Variants in IRF2 observed in about 807,000 individuals in gnomAD.
IRF2 encodes interferon regulatory factor 2.
A neutral mutation model predicts 40.6 loss-of-function variants in IRF2; 15 were observed. That is an observed-to-expected ratio of 0.37 (90% CI 0.25 to 0.57). The LOEUF (loss-of-function observed/expected upper bound fraction) is 0.57, where lower values mean the gene tolerates loss of function less well. Ranked by LOEUF, IRF2 falls within the 20% of genes least tolerant of loss-of-function variation. The pLI is 0.77. For missense variants in IRF2, 317 were observed against 455.7 expected, an observed-to-expected ratio of 0.70 and a Z score of 2.77; for synonymous variants, 151 against 165.5, an observed-to-expected ratio of 0.91 and a Z score of 0.67.
chr4:184,405,722 T>C (rs567688907), intron 6 of IRF2, among the ~76,000 whole-genome samples: 12 of 152,130 alleles, frequency 7.9e-5, no homozygotes, highest in African/African-American at 2.9e-4. Context: ...ACTTGAGAAG[T>C]ACGGTGAGGG....
intron 5 of IRF2, among the ~76,000 whole-genome samples, chr4:184,416,964 T>C (rs1157444598): frequency 1.3e-5 from 2 of 152,140 alleles, no homozygotes; most frequent in African/African-American, 2.4e-5. Context: ...GAGAATCGCT[T>C]GAACCCAGGA....
At chr4:184,409,109 T>C (rs536170214) in intron 5 of IRF2, among the ~76,000 whole-genome samples, 1 of 152,206 alleles carries the variant, frequency 6.6e-6, no homozygotes, top group Admixed American at 6.5e-5. Flanking sequence ...CATCTGCTGC[T>C]ACGATAGCAA....
At chr4:184,417,953 A>C (rs2149899828) in intron 5 of IRF2, among the ~76,000 whole-genome samples, 1 of 152,332 alleles carries the variant, frequency 6.6e-6, no homozygotes, top group South Asian at 2.1e-4. Context: ...CTTCATTCAT[A>C]AATTTCCCAG....
intron 6 of IRF2, among the ~76,000 whole-genome samples, chr4:184,399,862 T>C (rs1252487932): frequency 1.3e-5 from 2 of 152,230 alleles, no homozygotes; most frequent in Non-Finnish European, 2.9e-5. Flanking sequence ...ATTTTTCTTA[T>C]ATTGTTTATT....
rs200223475 is a variant in IRF2, at chr4:184,391,570, TG to T, written c.695-822del. Among the ~76,000 whole-genome samples the T allele has an allele frequency of 8.7e-4, 133 of 152,296 alleles. 2 individuals carry two copies. The East Asian group carries it at 0.022, about 25-fold the overall frequency. ...CAACAACCTGCAAGAAACTTAATTTTGCCAAAACCACATGAGCTTGGAAATG... is the reference window on the plus strand; with the variant it reads ...CAACAACCTGCAAGAAACTTAATTTTCCAAAACCACATGAGCTTGGAAATG... On this transcript the variant is annotated intron_variant, in intron 7 of 8. Coordinates refer to ENST00000393593, the MANE Select transcript of IRF2 (RefSeq NM_002199.4).
chr4:184,453,331 C>T lies in IRF2; in HGVS notation c.-7+21048G>A, dbSNP rs3822122. ...CCCTTAGGTGTGTTTGGCCCTGGGT[C>T]GCAGCATCTAGATGGCATCAGCCTC... On this transcript the variant is annotated intron_variant, in intron 1 of 8. Coordinates refer to ENST00000393593, the MANE Select transcript of IRF2 (RefSeq NM_002199.4). Among the ~76,000 whole-genome samples the T allele has an allele frequency of 4.8e-3, 738 of 152,232 alleles. 24 individuals carry two copies. Among genetic ancestry groups the T allele is most frequent in the East Asian group, 0.035 (179 of 5,182 alleles).
chr4:184,438,948 C>T (rs374582425), intron 1 of IRF2, among the ~76,000 whole-genome samples: 108 of 152,278 alleles, frequency 7.1e-4, no homozygotes, highest in African/African-American at 1.1e-3. Flanking sequence ...GGGACCCTGA[C>T]GGCTGAAGTC....
intron 1 of IRF2, among the ~76,000 whole-genome samples, chr4:184,447,465 AGC>A (rs1738553325): frequency 6.6e-6 from 1 of 152,270 alleles, no homozygotes; most frequent in Non-Finnish European, 1.5e-5. Context: ...AGTAGTACTC[AGC>A]CAAGAAATAC....
intron 4 of IRF2, 47 bp downstream of exon 4, chr4:184,418,485 G>A (rs751693518): frequency 2.6e-5 from 41 of 1,549,398 alleles, no homozygotes; most frequent in Admixed American, 8.4e-5. Flanking sequence ...ACGAAGGCAC[G>A]ATGACACAAA....
chr4:184,431,114 G>A (rs781720255), intron 1 of IRF2, among the ~76,000 whole-genome samples: 5 of 152,196 alleles, frequency 3.3e-5, no homozygotes, highest in African/African-American at 7.2e-5. Context: ...GTGGGGTGCC[G>A]TCAGAGGTTG....
chr4:184,447,541 A>C (rs1738558220), intron 1 of IRF2, among the ~76,000 whole-genome samples: 1 of 152,222 alleles, frequency 6.6e-6, no homozygotes, highest in Non-Finnish European at 1.5e-5. Flanking sequence ...AGCCTCAAAA[A>C]TACCTCCCAC....
chr4:184,439,980 A>G (rs1252074154), intron 1 of IRF2, among the ~76,000 whole-genome samples: 1 of 152,214 alleles, frequency 6.6e-6, no homozygotes, highest in African/African-American at 2.4e-5. Flanking sequence ...TTAAAAATAC[A>G]TGCAGTGTGT....
chr4:184,418,476 C>T (rs775072823), intron 4 of IRF2, 56 bp downstream of exon 4: 21 of 1,501,394 alleles, frequency 1.4e-5, no homozygotes, highest in South Asian at 5.6e-5. Context: ...GAAGAGATCA[C>T]GAAGGCACGA....
intron 6 of IRF2, chr4:184,407,084 G>A (rs1211601057): frequency 1.5e-6 from 1 of 656,872 alleles, no homozygotes; most frequent in Non-Finnish European, 2.4e-6. Context: ...CAGGGTTATA[G>A]AGCACTGCCG....
At chr4:184,449,269 G>C (rs1738628102) in intron 1 of IRF2, among the ~76,000 whole-genome samples, 1 of 152,126 alleles carries the variant, frequency 6.6e-6, no homozygotes, top group African/African-American at 2.4e-5. Context: ...TCCGTCCCAA[G>C]TCTCTGCGTC....
intron 3 of IRF2, 114 bp from the exon 4 acceptor site, chr4:184,418,822 A>G (rs1737373958): frequency 1.2e-6 from 1 of 802,864 alleles, no homozygotes; most frequent in Non-Finnish European, 2.0e-6. Flanking sequence ...TTTTCACTCC[A>G]TGCTATACCT....
intron 2 of IRF2, among the ~76,000 whole-genome samples, chr4:184,424,568 T>C (rs933012973): frequency 2.6e-5 from 4 of 152,170 alleles, no homozygotes; most frequent in African/African-American, 9.7e-5. Context: ...GCATGCTCTT[T>C]CCCCGCACCG....
intron 6 of IRF2, among the ~76,000 whole-genome samples, chr4:184,400,700 T>C (rs1215020343): frequency 6.6e-6 from 1 of 152,182 alleles, no homozygotes; most frequent in African/African-American, 2.4e-5. Flanking sequence ...AGTGATCAAA[T>C]TTCTCCACAG....
intron 6 of IRF2, among the ~76,000 whole-genome samples, chr4:184,403,005 G>A (rs1172378718): frequency 2.0e-5 from 3 of 152,154 alleles, no homozygotes; most frequent in Non-Finnish European, 4.4e-5. Context: ...CGGCTGACCA[G>A]GAGAGAAAAG....
Sources: allele counts gnomAD v4.1 joint callset (sites outside exome capture counted in the v4.1 genomes callset), GRCh38; gene constraint gnomAD v4.1.1; transcripts MANE v1.5; gene names NCBI Gene and HGNC (gene_info 2026-07-23, HGNC 2026-07-21).